PIAS4: variants seen among roughly 807,000 people sequenced by gnomAD.
The protein encoded by PIAS4 is E3 SUMO-protein ligase PIAS4.
Under a neutral mutation model 58.0 loss-of-function variants are expected in PIAS4, and 7 were observed. The ratio of observed to expected loss-of-function variants is 0.12; its 90% CI spans 0.07 to 0.23. PIAS4 has a LOEUF of 0.23. Ranked by LOEUF, PIAS4 falls within the 10% of genes least tolerant of loss-of-function variation. The probability of loss-of-function intolerance (pLI) is 1.00; values close to 1 mark genes in which losing one functional copy is unlikely to be tolerated. For missense variants in PIAS4, 550 were observed against 709.5 expected (o/e 0.78, Z 2.55); for synonymous variants, 364 against 312.4 (o/e 1.17, Z -1.74).
Position 4,023,943 on chromosome 19 carries a change from C to T in PIAS4, c.455-93C>T, listed in dbSNP as rs540643486. On this transcript the variant is annotated intron_variant, in intron 2 of 10. Transcript: ENST00000262971. ...CCAGCCAACTTCCCATTTCCTGTTT[C>T]CTGGTCTGAAGAGGCGCAGGCTGGG... 3 of 852,664 alleles carry T rather than the reference C, an allele frequency of 3.5e-6. No homozygotes were observed. In the African/African-American group the frequency reaches 5.0e-5, roughly 14 times the overall value. The allele number at this position is 852,664 out of a possible 1,614,324, so 52.8% of individuals were successfully genotyped here.
chr19:4,035,887 A>G (rs1387052215), intron 9 of PIAS4, among the ~76,000 whole-genome samples: 12 of 144,818 alleles, frequency 8.3e-5, no homozygotes, highest in African/African-American at 2.8e-4. Context: ...ACACACCCGC[A>G]CACATCCATA....
At chr19:4,036,716 AC>A (rs1418253864) in intron 9 of PIAS4, among the ~76,000 whole-genome samples, 2 of 145,104 alleles carry the variant, frequency 1.4e-5, no homozygotes, top group Non-Finnish European at 3.1e-5. Flanking sequence ...ATACACACAC[AC>A]ATCTCTACAG....
At chr19:4,022,656 G>A (rs539958189) in intron 2 of PIAS4, among the ~76,000 whole-genome samples, 5 of 151,490 alleles carry the variant, frequency 3.3e-5, no homozygotes. Context: ...GTGAGCCACC[G>A]CGCCTGGCCG....
At chr19:4,032,683 C>T (rs117289151) in intron 7 of PIAS4, among the ~76,000 whole-genome samples, 1,689 of 152,310 alleles carry the variant, frequency 0.011, 15 homozygotes, top group Non-Finnish European at 0.018. Context: ...CAGGAAGCCC[C>T]AGGATCCGTC....
In PIAS4 at chr19:4,013,241, T is replaced by C. The variant is rs1341832777; in HGVS notation, c.346T>C (p.Leu116=). The part of the protein sequence containing the change: ...IDYPVLYGKY[L]NGLGRLPAKT... ...CTACCCCGTGCTCTACGGAAAGTACTTAAACGGACTGGGACGGTTGCCCGC... is the reference window on the plus strand; with the variant it reads ...CTACCCCGTGCTCTACGGAAAGTACCTAAACGGACTGGGACGGTTGCCCGC... The change falls in exon 2 of 11, where the codon TTA becomes CTA. Residue 116 remains leucine (L), a synonymous_variant. Transcript: ENST00000262971. This position sits in a 1 kb window ranked among gnomAD's most constrained non-coding sequence, Gnocchi z 5.1. The C allele has an allele frequency of 3.1e-6, 5 of 1,613,332 alleles. No individual in the cohort carries two copies.
rs1366315594 is a variant in PIAS4, at chr19:4,037,171, C to T, written c.1143-203C>T. On this transcript the variant is annotated intron_variant, in intron 9 of 10. Transcript: ENST00000262971. The surrounding 1 kb of genome is among the most constrained non-coding windows in gnomAD (Gnocchi z 5.8). ...CCCCGGCAGTGCCGTGCACTGCAGACCTGCCTGGGGCTCAGCACCTGCAGG... is the reference window on the plus strand; with the variant it reads ...CCCCGGCAGTGCCGTGCACTGCAGATCTGCCTGGGGCTCAGCACCTGCAGG... 6.6e-6 allele frequency among the ~76,000 whole-genome samples: 1 copy of T among 152,232 alleles called. No individual in the cohort carries two copies. Among genetic ancestry groups the T allele is most frequent in the Admixed American group, 6.5e-5 (1 of 15,292 alleles).
intron 1 of PIAS4, among the ~76,000 whole-genome samples, chr19:4,008,796 C>T (rs796651923): frequency 4.6e-5 from 7 of 152,124 alleles, no homozygotes; most frequent in African/African-American, 1.7e-4. Context: ...CCTACACAGC[C>T]CCCAGAACTT....
intron 2 of PIAS4, chr19:4,017,652 TGGA>T (rs2040065642): frequency 7.2e-6 from 1 of 138,310 alleles, no homozygotes; most frequent in Admixed American, 7.3e-5. Context: ...ATGGGCCAGC[TGGA>T]GGGGGAATGG....
chr19:4,018,650 C>T (rs1341965253), intron 2 of PIAS4: 1 of 152,242 alleles, frequency 6.6e-6, no homozygotes, highest in Non-Finnish European at 1.5e-5. Flanking sequence ...ACCATCTCCC[C>T]CTTGGGGAAC....
intron 2 of PIAS4, among the ~76,000 whole-genome samples, chr19:4,017,212 G>A (rs1003748827): frequency 1.3e-5 from 2 of 152,160 alleles, no homozygotes. Flanking sequence ...TCAGGTTGAA[G>A]AGGAGGGATG....
chr19:4,021,886 C>T (rs2144919647), intron 2 of PIAS4, among the ~76,000 whole-genome samples: 1 of 151,632 alleles, frequency 6.6e-6, no homozygotes, highest in South Asian at 2.1e-4. Flanking sequence ...GCTGGGACTA[C>T]AGGTGGTGTG....
chr19:4,037,232 G>A lies in PIAS4; in HGVS notation c.1143-142G>A, dbSNP rs964224128. The A allele has an allele frequency of 3.7e-6, 4 of 1,072,284 alleles. No individual in the cohort carries two copies. The African/African-American group carries it at 6.4e-5, about 17-fold the overall frequency. The allele number at this position is 1,072,284 out of a possible 1,614,324, so 66.4% of individuals were successfully genotyped here. On this transcript the variant is annotated intron_variant, in intron 9 of 10. Coordinates refer to ENST00000262971, the MANE Select transcript of PIAS4 (RefSeq NM_015897.4). The surrounding 1 kb of genome is among the most constrained non-coding windows in gnomAD (Gnocchi z 5.8). ...CGGGGGAGGGAATGCGGGGTCCCTG[G>A]ACCCCTGCGGTCGGGGTGGTGAGGC...
At chr19:4,029,073 A>G (rs1568218636) in intron 7 of PIAS4, 37 bp downstream of exon 7, 2 of 1,485,898 alleles carry the variant, frequency 1.3e-6, no homozygotes, top group South Asian at 1.2e-5. Context: ...AGGGGTGCCA[A>G]GTCCACCCTG....
chr19:4,014,207 T>C (rs2040029146), intron 2 of PIAS4, among the ~76,000 whole-genome samples: 1 of 152,114 alleles, frequency 6.6e-6, no homozygotes, highest in Non-Finnish European at 1.5e-5. Context: ...CACGCTTCTC[T>C]CTCTCGTGTC....
At chr19:4,028,489 T>C (rs1175183537) in intron 4 of PIAS4, 21 bp from the exon 5 acceptor site, 7 of 1,577,194 alleles carry the variant, frequency 4.4e-6, no homozygotes, top group East Asian at 2.2e-5. Flanking sequence ...CCCCGCCCCA[T>C]GGTCCCTGTT....
chr19:4,017,956 T>C (rs2144914073), intron 2 of PIAS4, among the ~76,000 whole-genome samples: 1 of 152,330 alleles, frequency 6.6e-6, no homozygotes, highest in East Asian at 1.9e-4. Flanking sequence ...GTTACAGGCG[T>C]GAGCCACTGC....
At chr19:4,025,538 C>T (rs764620465) in intron 3 of PIAS4, among the ~76,000 whole-genome samples, 43 of 152,188 alleles carry the variant, frequency 2.8e-4, no homozygotes, top group Non-Finnish European at 3.8e-4. Context: ...TTCAGACCCA[C>T]CGCCCCCACC....
intron 2 of PIAS4, among the ~76,000 whole-genome samples, chr19:4,022,645 C>T (rs946258703): frequency 5.9e-5 from 9 of 151,710 alleles, no homozygotes; most frequent in South Asian, 2.1e-4. Flanking sequence ...GGATTACAGG[C>T]GTGAGCCACC....
Position 4,038,080 on chromosome 19 carries a change from T to C in PIAS4, c.*205T>C. On this transcript the variant is annotated 3_prime_UTR_variant, in exon 11 of 11. Coordinates refer to ENST00000262971, the MANE Select transcript of PIAS4 (RefSeq NM_015897.4). The surrounding 1 kb of genome is among the most constrained non-coding windows in gnomAD (Gnocchi z 4.1). Reference sequence around the variant, plus strand: ...AAAAAAGTAAAATGACAAAAAAAGATACAAAAAAGAAAAATGAAACAAAAA... The same window carrying C: ...AAAAAAGTAAAATGACAAAAAAAGACACAAAAAAGAAAAATGAAACAAAAA... 1 of 544,178 alleles carries C rather than the reference T, an allele frequency of 1.8e-6. No homozygotes were observed. The highest frequency in any genetic ancestry group is 2.7e-5 in the South Asian group (1 of 36,944). The allele number at this position is 544,178 out of a possible 1,614,324, so 33.7% of individuals were successfully genotyped here. A position where few individuals can be genotyped will look rare whatever the true frequency, so the allele number is the denominator to read the frequency against.
Sources: allele counts gnomAD v4.1 joint callset (sites outside exome capture counted in the v4.1 genomes callset), GRCh38; gene constraint gnomAD v4.1.1; non-coding constraint Gnocchi (gnomAD v3.1); transcripts MANE v1.5; gene names NCBI Gene and HGNC (gene_info 2026-07-23, HGNC 2026-07-21).